Variants in TMEM132D observed in about 807,000 individuals in gnomAD.
TMEM132D encodes the protein mature OL transmembrane protein.
Under a neutral mutation model 62.3 loss-of-function variants are expected in TMEM132D, and 21 were observed. The observed-to-expected ratio is 0.34, with a 90% confidence interval of 0.24 to 0.49. The LOEUF (loss-of-function observed/expected upper bound fraction) is 0.49, where lower values mean the gene tolerates loss of function less well. Among genes scored for constraint, TMEM132D ranks in the 20% least tolerant of loss-of-function variants. The probability of loss-of-function intolerance (pLI) is 0.99; values close to 1 mark genes in which losing one functional copy is unlikely to be tolerated. For missense variants in TMEM132D, 1,346 were observed against 1,402.8 expected (o/e 0.96, Z 0.65); for synonymous variants, 621 against 575.6 (o/e 1.08, Z -1.13).
intron 3 of TMEM132D, among the ~76,000 whole-genome samples, chr12:129,348,125 A>C (rs1345642576): frequency 6.6e-6 from 1 of 152,214 alleles, no homozygotes; most frequent in Admixed American, 6.5e-5. Context: ...AATTAGTTTA[A>C]CCATAGTGGA....
chr12:129,826,607 G>A (rs1248526014), intron 1 of TMEM132D, among the ~76,000 whole-genome samples: 1 of 152,176 alleles, frequency 6.6e-6, no homozygotes, highest in Non-Finnish European at 1.5e-5. Flanking sequence ...CTTCCGCTGT[G>A]ATAACGACCC....
chr12:129,107,827 C>T (rs1429702975), intron 5 of TMEM132D, among the ~76,000 whole-genome samples: 1 of 151,186 alleles, frequency 6.6e-6, no homozygotes, highest in East Asian at 2.0e-4. Context: ...GCTGGGACTA[C>T]AGGTGTGCAC....
intron 3 of TMEM132D, among the ~76,000 whole-genome samples, chr12:129,449,401 CAG>C (rs887293187): frequency 6.6e-6 from 1 of 152,158 alleles, no homozygotes; most frequent in Non-Finnish European, 1.5e-5. Flanking sequence ...AATCACCGTG[CAG>C]AGTTAGGTAA....
chr12:129,664,112 C>T (rs1036788338), intron 2 of TMEM132D, among the ~76,000 whole-genome samples: 1 of 152,134 alleles, frequency 6.6e-6, no homozygotes, highest in Non-Finnish European at 1.5e-5. Flanking sequence ...GAGAAGTTTG[C>T]TAACTGAGTT....
At chr12:129,510,186 C>T (rs1336737367) in intron 3 of TMEM132D, among the ~76,000 whole-genome samples, 2 of 152,098 alleles carry the variant, frequency 1.3e-5, no homozygotes, top group Non-Finnish European at 2.9e-5. Flanking sequence ...GATGATATCT[C>T]ACTATAGCTT....
chr12:129,812,025 A>G (rs1029052702), intron 1 of TMEM132D, among the ~76,000 whole-genome samples: 1 of 151,832 alleles, frequency 6.6e-6, no homozygotes, highest in African/African-American at 2.4e-5. Flanking sequence ...TCTGCCCTAC[A>G]GAACTGGAGT....
At chr12:129,321,616 G>A (rs1868710366) in intron 4 of TMEM132D, among the ~76,000 whole-genome samples, 1 of 151,974 alleles carries the variant, frequency 6.6e-6, no homozygotes, top group South Asian at 2.1e-4. Context: ...GAGTGCAGTG[G>A]CGCGATCTCA....
chr12:129,354,454 G>A (rs1869972192), intron 3 of TMEM132D, among the ~76,000 whole-genome samples: 2 of 151,960 alleles, frequency 1.3e-5, no homozygotes, highest in Non-Finnish European at 1.5e-5. Flanking sequence ...CTCCCGAGTA[G>A]CTGGGACTAC....
At chr12:129,738,858 C>T (rs551683122) in intron 1 of TMEM132D, among the ~76,000 whole-genome samples, 4 of 152,238 alleles carry the variant, frequency 2.6e-5, no homozygotes, top group Admixed American at 6.5e-5. Context: ...CTGTAGAAGA[C>T]AAACAATACG....
At chr12:129,780,135 C>T (rs1203568118) in intron 1 of TMEM132D, among the ~76,000 whole-genome samples, 1 of 152,098 alleles carries the variant, frequency 6.6e-6, no homozygotes, top group Non-Finnish European at 1.5e-5. Context: ...ATGTGTCTCG[C>T]CCAAACCATC....
intron 4 of TMEM132D, among the ~76,000 whole-genome samples, chr12:129,302,353 G>T (rs967204263): frequency 3.3e-5 from 5 of 152,250 alleles, no homozygotes; most frequent in African/African-American, 1.2e-4. Context: ...GACCTCAAGA[G>T]ATCCAGCCGC....
At chr12:129,572,389 G>A (rs1019599059) in intron 2 of TMEM132D, among the ~76,000 whole-genome samples, 10 of 152,332 alleles carry the variant, frequency 6.6e-5, no homozygotes, top group Non-Finnish European at 1.2e-4. Context: ...TGGGAGATGG[G>A]ATCTGGGAGG....
chr12:129,393,743 C>T (rs1293072608), intron 3 of TMEM132D, among the ~76,000 whole-genome samples: 1 of 152,184 alleles, frequency 6.6e-6, no homozygotes, highest in Non-Finnish European at 1.5e-5. Flanking sequence ...GAGCAAGCAA[C>T]CCACGCCAAA....
At chr12:129,377,182 CAT>C (rs1408758633) in intron 3 of TMEM132D, among the ~76,000 whole-genome samples, 2 of 152,168 alleles carry the variant, frequency 1.3e-5, no homozygotes, top group Admixed American at 6.5e-5. Context: ...GAGGAAAGAA[CAT>C]ATGAAGGCAT....
intron 1 of TMEM132D, among the ~76,000 whole-genome samples, chr12:129,705,632 A>G (rs75808654): frequency 0.017 from 2,548 of 152,284 alleles, 104 homozygotes; most frequent in East Asian, 0.13. Context: ...TGCTGAAAAG[A>G]ACACTGAAGC....
At chr12:129,179,688 C>T (rs955198988) in intron 5 of TMEM132D, among the ~76,000 whole-genome samples, 19 of 152,048 alleles carry the variant, frequency 1.2e-4, no homozygotes, top group African/African-American at 4.3e-4. Context: ...ATGTGAACTT[C>T]GGTTGGATGA....
intron 1 of TMEM132D, among the ~76,000 whole-genome samples, chr12:129,818,094 G>A (rs1360643622): frequency 2.7e-5 from 4 of 149,342 alleles, no homozygotes; most frequent in Admixed American, 2.0e-4. Flanking sequence ...TGTGGGGTGT[G>A]TGCGTTTCTA....
intron 5 of TMEM132D, among the ~76,000 whole-genome samples, chr12:129,100,220 T>G (rs1451912158): frequency 6.6e-6 from 1 of 152,148 alleles, no homozygotes; most frequent in East Asian, 1.9e-4. Flanking sequence ...TTTTGTATTT[T>G]TAGTAGAGAC....
At chr12:129,362,092 T>C (rs1566045373) in intron 3 of TMEM132D, among the ~76,000 whole-genome samples, 2 of 152,252 alleles carry the variant, frequency 1.3e-5, no homozygotes, top group African/African-American at 4.8e-5. Context: ...ATGGTTCTAA[T>C]TATAACTCTT....
Sources: allele counts gnomAD v4.1 joint callset (sites outside exome capture counted in the v4.1 genomes callset), GRCh38; gene constraint gnomAD v4.1.1; transcripts MANE v1.5; gene names NCBI Gene and HGNC (gene_info 2026-07-23, HGNC 2026-07-21).